The following ALDH1A2 variants were observed in gnomAD, a reference collection of about 807,000 sequenced individuals.
ALDH1A2 encodes aldehyde dehydrogenase 1 family member A2.
ALDH1A2 carries 27 observed loss-of-function variants against 60.3 expected under a neutral mutation model. The ratio of observed to expected loss-of-function variants is 0.45; its 90% CI spans 0.33 to 0.62. The LOEUF is 0.62. Ranked by LOEUF, ALDH1A2 falls within the 20% of genes least tolerant of loss-of-function variation. The probability of loss-of-function intolerance (pLI) is 0.02; values close to 1 mark genes in which losing one functional copy is unlikely to be tolerated. For synonymous variants in ALDH1A2, 289 were observed against 232.4 expected, an observed-to-expected ratio of 1.24 and a Z score of -2.21; for missense variants, 581 against 643.8, an observed-to-expected ratio of 0.90 and a Z score of 1.06.
At chr15:58,007,794 T>C (rs1462447274) in intron 4 of ALDH1A2, among the ~76,000 whole-genome samples, 72 of 123,934 alleles carry the variant, frequency 5.8e-4, no homozygotes, top group African/African-American at 1.8e-3. Flanking sequence ...CAGACTTCAC[T>C]GTGAAAAAAA....
At chr15:58,062,960 T>C (rs1202189259) in intron 1 of ALDH1A2, among the ~76,000 whole-genome samples, 1 of 152,218 alleles carries the variant, frequency 6.6e-6, no homozygotes, top group Non-Finnish European at 1.5e-5. Context: ...ACTGGACCTC[T>C]AGCAGGCAAA....
At chr15:58,048,664 T>C (rs1442228412) in intron 1 of ALDH1A2, among the ~76,000 whole-genome samples, 6 of 151,994 alleles carry the variant, frequency 3.9e-5, no homozygotes, top group East Asian at 1.9e-4. Flanking sequence ...TAGTGTTCCA[T>C]TTGACTCAGG....
intron 7 of ALDH1A2, chr15:57,990,530 C>CA (rs1219286938): frequency 6.6e-6 from 1 of 152,182 alleles, no homozygotes; most frequent in African/African-American, 2.4e-5. Context: ...ACTAACATGA[C>CA]AAGGTGTTAT....
intron 1 of ALDH1A2, among the ~76,000 whole-genome samples, chr15:58,050,510 A>C (rs1896747185): frequency 1.3e-5 from 2 of 152,178 alleles, no homozygotes. Flanking sequence ...ACTAAAAATC[A>C]TTTATTTTAT....
intron 7 of ALDH1A2, among the ~76,000 whole-genome samples, chr15:57,966,108 A>T (rs1893888946): frequency 6.6e-6 from 1 of 152,244 alleles, no homozygotes; most frequent in Admixed American, 6.5e-5. Flanking sequence ...ATTTCTCTAA[A>T]GACAACTGGC....
Position 57,965,731 on chromosome 15 carries a change from C to T in ALDH1A2, c.895G>A (p.Ala299Thr). Residue 299 changes from alanine (A) to threonine (T), a missense_variant, in exon 8 of 13, where the codon GCT (alanine) becomes ACT (threonine). Around this residue, in one of 2 missense-constraint regions of ALDH1A2, gnomAD observed 375 missense variants for 469.7 expected, o/e 0.80. Coordinates refer to ENST00000249750, the MANE Select transcript of ALDH1A2 (RefSeq NM_003888.4). ...GKSPNIIFAD[A>T]DLDYAVEQAH... ...GGACCTGTAGTTGACTTACAGTCAGCATCAGCAAAAATAATATTAGGACTT... is the reference window on the plus strand; with the variant it reads ...GGACCTGTAGTTGACTTACAGTCAGTATCAGCAAAAATAATATTAGGACTT... The T allele has an allele frequency of 3.1e-6, 5 of 1,612,854 alleles. No individual in the cohort carries two copies. The highest frequency in any genetic ancestry group is 2.2e-5 in the South Asian group (2 of 91,064).
intron 1 of ALDH1A2, among the ~76,000 whole-genome samples, chr15:58,054,647 G>C (rs1394199115): frequency 6.6e-6 from 1 of 152,032 alleles, no homozygotes; most frequent in African/African-American, 2.4e-5. Context: ...GCCCACTGGG[G>C]CACAGAAAGC....
At chr15:57,973,207 T>C (rs1039213244) in intron 7 of ALDH1A2, among the ~76,000 whole-genome samples, 1 of 152,252 alleles carries the variant, frequency 6.6e-6, no homozygotes, top group Non-Finnish European at 1.5e-5. Flanking sequence ...CTGTACTTTA[T>C]TGAAGTTGTT....
chr15:57,977,180 AC>A (rs2140469068), intron 7 of ALDH1A2, among the ~76,000 whole-genome samples: 1 of 151,904 alleles, frequency 6.6e-6, no homozygotes, highest in South Asian at 2.1e-4. Context: ...GATTGCAAAA[AC>A]TTTGTCCCAC....
chr15:57,974,082 A>C (rs1180407999), intron 7 of ALDH1A2, among the ~76,000 whole-genome samples: 2 of 152,184 alleles, frequency 1.3e-5, no homozygotes, highest in East Asian at 3.9e-4. Flanking sequence ...TAATAGTCAA[A>C]ATAATGTGAT....
At chr15:58,060,847 T>C (rs1480115488) in intron 1 of ALDH1A2, among the ~76,000 whole-genome samples, 1 of 152,188 alleles carries the variant, frequency 6.6e-6, no homozygotes, top group Non-Finnish European at 1.5e-5. Flanking sequence ...CCTATCAGTA[T>C]TTGTATTTTA....
At chr15:57,993,871 T>C (rs1445984141) in intron 5 of ALDH1A2, among the ~76,000 whole-genome samples, 5 of 152,248 alleles carry the variant, frequency 3.3e-5, no homozygotes, top group South Asian at 2.1e-4. Context: ...GCCTGAAGCA[T>C]CTCAGCTGCC....
chr15:57,975,560 C>T (rs1466951568), intron 7 of ALDH1A2, among the ~76,000 whole-genome samples: 1 of 152,156 alleles, frequency 6.6e-6, no homozygotes, highest in African/African-American at 2.4e-5. Context: ...TGTTGGTGCT[C>T]AAAATGTTTC....
At chr15:58,010,550 A>T in intron 4 of ALDH1A2, 99 bp downstream of exon 4, 1 of 1,502,486 alleles carries the variant, frequency 6.7e-7, no homozygotes, top group Non-Finnish European at 9.2e-7. Context: ...AAGTGTGCTC[A>T]TATCTGTATT....
intron 7 of ALDH1A2, among the ~76,000 whole-genome samples, chr15:57,967,158 CAGACTGCCTGGA>C (rs1893923502): frequency 1.3e-5 from 2 of 149,580 alleles, no homozygotes; most frequent in African/African-American, 4.9e-5. Flanking sequence ...GCTCTGGAGC[CAGACTGCCTGGA>C]TTTTTTTTTT....
At chr15:58,006,859 T>TAAAA (rs35453203) in intron 4 of ALDH1A2, among the ~76,000 whole-genome samples, 1 of 139,874 alleles carries the variant, frequency 7.1e-6, no homozygotes, top group African/African-American at 2.7e-5. Context: ...CTCATATTGT[T>TAAAA]AAAAAAAAAA....
intron 1 of ALDH1A2, among the ~76,000 whole-genome samples, chr15:58,055,490 A>C (rs1278178421): frequency 6.6e-6 from 1 of 152,066 alleles, no homozygotes; most frequent in Non-Finnish European, 1.5e-5. Context: ...TACACAGAAA[A>C]ATATAATACC....
intron 1 of ALDH1A2, among the ~76,000 whole-genome samples, chr15:58,062,362 A>G (rs1457425780): frequency 6.6e-6 from 1 of 152,156 alleles, no homozygotes; most frequent in Non-Finnish European, 1.5e-5. Flanking sequence ...TAGAGCCAAG[A>G]AAGAAGGTCG....
rs1036647473 is a variant in ALDH1A2 at position 57,994,048 on chromosome 15, G to A, written c.556-975C>T. On this transcript the variant is annotated intron_variant, in intron 5 of 12. Transcript: ENST00000249750. ...GTATAAATCTTAAAGTGCAGTAATT[G>A]AGCCAGAGCTGGCTGACAAGCAGCT... Among the ~76,000 whole-genome samples, 44 of 152,262 alleles carry A rather than the reference G, an allele frequency of 2.9e-4. 1 individual carries two copies. The highest frequency in any genetic ancestry group is 1.1e-3 in the African/African-American group (44 of 41,542).
Sources: gnomAD v4.1 joint callset for allele counts (sites outside exome capture counted in the v4.1 genomes callset) on GRCh38, gnomAD v4.1.1 for gene constraint, gnomAD v4.1.1 regional missense constraint, MANE v1.5 for transcripts, NCBI Gene and HGNC (gene_info 2026-07-23, HGNC 2026-07-21) for gene names.